Variants in DNAH12 observed in about 807,000 individuals in gnomAD.
DNAH12 encodes the protein dynein axonemal heavy chain 12, also known as axonemal beta dynein heavy chain 12.
A neutral mutation model predicts 371.5 loss-of-function variants in DNAH12; 285 were observed. That is an observed-to-expected ratio of 0.77 (90% CI 0.70 to 0.85). The LOEUF (loss-of-function observed/expected upper bound fraction) is 0.85. Ranked by LOEUF, DNAH12 falls within the 40% of genes least tolerant of loss-of-function variation. The pLI, the probability that DNAH12 is intolerant of heterozygous loss-of-function variation, is 0.00. For synonymous variants in DNAH12, 1,200 were observed against 1,213.0 expected, an observed-to-expected ratio of 0.99 and a Z score of 0.22; for missense variants, 3,611 against 3,689.4, an observed-to-expected ratio of 0.98 and a Z score of 0.55.
chr3:57,347,426 C>G (rs1553658436), intron 60 of DNAH12, among the ~76,000 whole-genome samples: 1 of 151,948 alleles, frequency 6.6e-6, no homozygotes, highest in East Asian at 1.9e-4. Flanking sequence ...GTAGAAAAAA[C>G]ATTTGACAGC....
chr3:57,443,972 G>C (rs2065394192), intron 29 of DNAH12, among the ~76,000 whole-genome samples: 2 of 152,186 alleles, frequency 1.3e-5, no homozygotes, highest in Admixed American at 1.3e-4. Context: ...GGGAGGCCAA[G>C]TCTGGCAGAT....
chr3:57,349,031 G>A (rs1575487912), intron 60 of DNAH12, among the ~76,000 whole-genome samples: 1 of 148,756 alleles, frequency 6.7e-6, no homozygotes, highest in East Asian at 2.0e-4. Context: ...AATCAGCAGA[G>A]TTAACAGACA....
chr3:57,325,498 C>A (rs1419833637), intron 62 of DNAH12, among the ~76,000 whole-genome samples: 3 of 152,230 alleles, frequency 2.0e-5, no homozygotes, highest in Admixed American at 6.5e-5. Flanking sequence ...TCCAACAGAC[C>A]TGCAGCTGAG....
chr3:57,354,305 G>C (rs1000046472), intron 59 of DNAH12, among the ~76,000 whole-genome samples: 1 of 152,046 alleles, frequency 6.6e-6, no homozygotes, highest in Non-Finnish European at 1.5e-5. Flanking sequence ...AGTACACATG[G>C]ACACAAGGAA....
chr3:57,508,203 A>AC (rs2067842500), intron 7 of DNAH12, among the ~76,000 whole-genome samples, 179 bp downstream of exon 7: 1 of 119,772 alleles, frequency 8.3e-6, no homozygotes, highest in Non-Finnish European at 2.1e-5. Context: ...AAAAAAACAA[A>AC]AAAAAAAAAA....
chr3:57,376,076 T>C, intron 53 of DNAH12, 111 bp from the exon 54 acceptor site: 1 of 152,120 alleles, frequency 6.6e-6, no homozygotes, highest in East Asian at 1.9e-4. Flanking sequence ...CTATAAAATT[T>C]GGACACCTGC....
chr3:57,521,811 C>T (rs755273502), intron 4 of DNAH12, among the ~76,000 whole-genome samples: 11 of 151,496 alleles, frequency 7.3e-5, no homozygotes, highest in South Asian at 2.1e-4. Flanking sequence ...CGCTTGAACC[C>T]GGGAGACAGA....
intron 35 of DNAH12, among the ~76,000 whole-genome samples, chr3:57,424,713 G>A (rs1404767871): frequency 1.3e-5 from 2 of 151,426 alleles, no homozygotes; most frequent in Non-Finnish European, 2.9e-5. Flanking sequence ...GGGAGGTGGG[G>A]GGTGGAGGTT....
intron 29 of DNAH12, among the ~76,000 whole-genome samples, chr3:57,441,338 G>T (rs2065298116): frequency 6.6e-6 from 1 of 151,920 alleles, no homozygotes; most frequent in Non-Finnish European, 1.5e-5. Flanking sequence ...TTGAAGATAG[G>T]TCAATTAGAA....
At chr3:57,424,808 GAT>G (rs1167139955) in intron 35 of DNAH12, among the ~76,000 whole-genome samples, 6 of 144,152 alleles carry the variant, frequency 4.2e-5, no homozygotes, top group African/African-American at 1.6e-4. Flanking sequence ...AAAAAAAAAA[GAT>G]AGTTTTGGTT....
At chr3:57,410,009 T>C (rs1052139151) in intron 39 of DNAH12, among the ~76,000 whole-genome samples, 3 of 152,156 alleles carry the variant, frequency 2.0e-5, no homozygotes, top group Admixed American at 6.5e-5. Context: ...GTGCTGATTA[T>C]GGTTACTTAG....
chr3:57,409,096 C>G (rs2064127402), intron 39 of DNAH12, among the ~76,000 whole-genome samples: 1 of 152,078 alleles, frequency 6.6e-6, no homozygotes, highest in African/African-American at 2.4e-5. Flanking sequence ...AGGATCTATA[C>G]ATTTTGTTAT....
intron 69 of DNAH12, among the ~76,000 whole-genome samples, chr3:57,303,065 C>T (rs753017147): frequency 6.6e-6 from 1 of 151,628 alleles, no homozygotes; most frequent in African/African-American, 2.4e-5. Context: ...CTCAACTGGG[C>T]GTGGTGGCTC....
intron 4 of DNAH12, among the ~76,000 whole-genome samples, chr3:57,517,410 CA>C (rs1308151854): frequency 7.9e-5 from 12 of 152,034 alleles, no homozygotes; most frequent in African/African-American, 2.9e-4. Flanking sequence ...ATAAATTATA[CA>C]GACAAAGATG....
chr3:57,523,630 A>G (rs1326825947), intron 3 of DNAH12, 21 bp from the exon 4 acceptor site: 1 of 1,541,966 alleles, frequency 6.5e-7, no homozygotes, highest in Non-Finnish European at 8.7e-7. Context: ...CAAACAGGAT[A>G]TAATTAAATC....
rs1331207407 is a variant in DNAH12 at position 57,362,494 on chromosome 3, G to T, written c.9360+1100C>A. 9.8e-5 allele frequency among the ~76,000 whole-genome samples: 15 copies of T among 152,320 alleles called. No individual in the cohort carries two copies. The South Asian group carries it at 2.1e-3, about 21-fold the overall frequency. On this transcript the variant is annotated intron_variant, in intron 58 of 73. Transcript: ENST00000495027. ...TTATACTTCCACCAACAGTGTAAAA[G>T]TGTTGCTATTTCTCCACATCCTCTC...
In DNAH12 at chr3:57,480,599, C is replaced by T. The variant is rs1186607534; in HGVS notation, c.1650+2777G>A. Among the ~76,000 whole-genome samples the T allele has an allele frequency of 4.6e-5, 7 of 151,140 alleles. No individual in the cohort carries two copies. In the Admixed American group the frequency reaches 4.6e-4, roughly 10 times the overall value. The stretch of plus-strand genomic sequence containing the variant: ...GGCCAGCATCATCCTGATACCAAAG[C>T]CGGGAAGAGACACAACAAAAGAAGA... On this transcript the variant is annotated intron_variant, in intron 13 of 73. Transcript: ENST00000495027.
At chr3:57,512,630 C>A (rs745789220) in intron 4 of DNAH12, 1 of 152,160 alleles carries the variant, frequency 6.6e-6, no homozygotes, top group Non-Finnish European at 1.5e-5. Context: ...TAAATTAGTT[C>A]AACCATTGTG....
intron 60 of DNAH12, among the ~76,000 whole-genome samples, chr3:57,340,779 G>A (rs1344617201): frequency 6.6e-6 from 1 of 151,934 alleles, no homozygotes; most frequent in Non-Finnish European, 1.5e-5. Context: ...AAATTGAAGG[G>A]GAGGGAATTC....
Sources: gnomAD v4.1 joint callset for allele counts (sites outside exome capture counted in the v4.1 genomes callset) on GRCh38, gnomAD v4.1.1 for gene constraint, MANE v1.5 for transcripts, NCBI Gene and HGNC (gene_info 2026-07-23, HGNC 2026-07-21) for gene names.